Variants in CNTNAP5 observed in about 807,000 individuals in gnomAD.
CNTNAP5 encodes contactin-associated protein-like 5.
Under a neutral mutation model 150.2 loss-of-function variants are expected in CNTNAP5, and 72 were observed. The observed-to-expected ratio is 0.48, with a 90% CI of 0.40 to 0.58. The LOEUF is 0.58. CNTNAP5 is among the 20% of genes least tolerant of loss of function. CNTNAP5 has a pLI of 0.00. For synonymous variants in CNTNAP5, 672 were observed against 619.8 expected (o/e 1.08, Z -1.25); for missense variants, 1,636 against 1,626.2 (o/e 1.01, Z -0.10).
chr2:124,489,776 G>A (rs1693975095), intron 7 of CNTNAP5, among the ~76,000 whole-genome samples: 1 of 152,068 alleles, frequency 6.6e-6, no homozygotes, highest in African/African-American at 2.4e-5. Flanking sequence ...GGAGCTTGAG[G>A]TATTCTATCT....
chr2:124,652,741 C>T (rs997499531), intron 13 of CNTNAP5, among the ~76,000 whole-genome samples: 7 of 152,140 alleles, frequency 4.6e-5, no homozygotes, highest in African/African-American at 1.4e-4. Context: ...GCAATAGTCT[C>T]CATGGTGCCT....
In CNTNAP5 at chr2:124,041,830, G is replaced by A. The variant is rs1681379517; in HGVS notation, c.82+16098G>A. 2.7e-5 allele frequency among the ~76,000 whole-genome samples: 4 copies of A among 150,454 alleles called. No individual in the cohort carries two copies. In the Admixed American group the frequency reaches 2.7e-4, roughly 10 times the overall value. On this transcript the variant is annotated intron_variant, in intron 1 of 23. Transcript: ENST00000682447. Reference sequence around the variant, plus strand: ...GAGAGACTAGTTTAGATCTATTAGTGATTTATGCATCATGATGTGTCAAAT... The same window carrying A: ...GAGAGACTAGTTTAGATCTATTAGTAATTTATGCATCATGATGTGTCAAAT...
intron 7 of CNTNAP5, among the ~76,000 whole-genome samples, chr2:124,488,672 A>G (rs989977408): frequency 6.6e-6 from 1 of 152,226 alleles, no homozygotes; most frequent in Non-Finnish European, 1.5e-5. Flanking sequence ...CCTGTAAAGA[A>G]GTGAGCACAC....
chr2:124,078,079 C>T (rs1474679049), intron 1 of CNTNAP5, among the ~76,000 whole-genome samples: 7 of 152,160 alleles, frequency 4.6e-5, no homozygotes, highest in Admixed American at 4.6e-4. Context: ...AGAGACAAAA[C>T]CCAGAAGAAA....
chr2:124,412,947 T>C (rs1396706966), intron 3 of CNTNAP5, among the ~76,000 whole-genome samples: 1 of 88,910 alleles, frequency 1.1e-5, no homozygotes, highest in Non-Finnish European at 2.2e-5. Flanking sequence ...ACAGACAACC[T>C]AAAAAATGGG....
At chr2:124,647,295 A>G (rs548915579) in intron 12 of CNTNAP5, among the ~76,000 whole-genome samples, 1 of 152,346 alleles carries the variant, frequency 6.6e-6, no homozygotes, top group Admixed American at 6.5e-5. Flanking sequence ...GTTCTCTGAG[A>G]AAATGGTTCT....
At chr2:124,710,013 C>CAAA (rs70999206) in intron 13 of CNTNAP5, among the ~76,000 whole-genome samples, 1 of 151,790 alleles carries the variant, frequency 6.6e-6, no homozygotes, top group Non-Finnish European at 1.5e-5. Flanking sequence ...TACAAAATTA[C>CAAA]AAAAAAAGTG....
At chr2:124,898,211 C>A (rs758780124) in intron 21 of CNTNAP5, among the ~76,000 whole-genome samples, 5 of 151,336 alleles carry the variant, frequency 3.3e-5, no homozygotes, top group Non-Finnish European at 7.4e-5. Context: ...CTCTTATAAG[C>A]CCCTGTTGTA....
At chr2:124,209,649 C>A (rs1329029762) in intron 1 of CNTNAP5, among the ~76,000 whole-genome samples, 1 of 152,084 alleles carries the variant, frequency 6.6e-6, no homozygotes, top group Non-Finnish European at 1.5e-5. Flanking sequence ...AGCAATTGAG[C>A]AATTCTCTGT....
chr2:124,417,473 G>T lies in CNTNAP5; in HGVS notation c.412G>T (p.Val138Leu), dbSNP rs765263584. 1.9e-6 allele frequency: 3 copies of T among 1,613,910 alleles called. No individual in the cohort carries two copies. Among genetic ancestry groups the T allele is most frequent in the South Asian group, 2.2e-5 (2 of 91,052 alleles). Residue 138 changes from valine (V) to leucine (L), a missense_variant, in exon 4 of 24, where the codon GTG (valine) becomes TTG (leucine). Transcript: ENST00000682447. ...TFAGNMNADS[V>L]VHHKLLHSVR... The stretch of plus-strand genomic sequence containing the variant: ...TGCAGGAAACATGAATGCTGACAGC[G>T]TGGTGCACCACAAGCTATTGCACTC...
intron 3 of CNTNAP5, among the ~76,000 whole-genome samples, chr2:124,395,752 A>G (rs191006868): frequency 6.6e-6 from 1 of 152,190 alleles, no homozygotes; most frequent in South Asian, 2.1e-4. Context: ...CATGTTAACT[A>G]ATATGCATGC....
intron 14 of CNTNAP5, among the ~76,000 whole-genome samples, chr2:124,755,461 C>T (rs1680819849): frequency 1.3e-5 from 2 of 152,174 alleles, no homozygotes; most frequent in Admixed American, 6.5e-5. Context: ...CACAAGGAGA[C>T]ATTCCTTACA....
At chr2:124,773,095 T>C in intron 17 of CNTNAP5, 78 bp downstream of exon 17, 1 of 1,082,816 alleles carries the variant, frequency 9.2e-7, no homozygotes, top group East Asian at 2.4e-5. Context: ...AAAAATTCTC[T>C]TTTATCTGAG....
intron 3 of CNTNAP5, among the ~76,000 whole-genome samples, chr2:124,371,377 A>G (rs1690521891): frequency 6.6e-6 from 1 of 152,146 alleles, no homozygotes. Context: ...TCTGATTGAA[A>G]TAATTATTAT....
intron 1 of CNTNAP5, among the ~76,000 whole-genome samples, chr2:124,213,967 C>T (rs13395031): frequency 0.31 from 46,917 of 151,880 alleles, 7,389 homozygotes; most frequent in South Asian, 0.48. Flanking sequence ...AGAGGTCTGC[C>T]GTCATATTAG....
chr2:124,082,703 G>A (rs1344411836), intron 1 of CNTNAP5, among the ~76,000 whole-genome samples: 1 of 152,212 alleles, frequency 6.6e-6, no homozygotes, highest in Non-Finnish European at 1.5e-5. Context: ...GCAGTGGCAT[G>A]TATACTTTTT....
intron 1 of CNTNAP5, among the ~76,000 whole-genome samples, chr2:124,188,497 A>G (rs1452907633): frequency 1.3e-5 from 2 of 152,046 alleles, no homozygotes; most frequent in African/African-American, 2.4e-5. Context: ...AGGTGGGCGG[A>G]TCATGAGGTC....
At chr2:124,869,637 C>T in intron 20 of CNTNAP5, 38 bp from the exon 21 acceptor site, 1 of 1,360,762 alleles carries the variant, frequency 7.3e-7, no homozygotes, top group Middle Eastern at 1.8e-4. Flanking sequence ...TACCTGCAGA[C>T]CTCTGCTGAT....
chr2:124,750,982 CAAAAAAAAAA>C (rs745635606), intron 14 of CNTNAP5, among the ~76,000 whole-genome samples: 3 of 75,470 alleles, frequency 4.0e-5, no homozygotes, highest in East Asian at 5.8e-4. Flanking sequence ...GACTCCATCT[CAAAAAAAAAA>C]AAAAAAAAAA....
Sources: gnomAD v4.1 joint callset for allele counts (sites outside exome capture counted in the v4.1 genomes callset) on GRCh38, gnomAD v4.1.1 for gene constraint, MANE v1.5 for transcripts, NCBI Gene and HGNC (gene_info 2026-07-23, HGNC 2026-07-21) for gene names.